Variants in TENM1 observed in about 807,000 individuals in gnomAD.
TENM1 encodes teneurin transmembrane protein 1, also known as teneurin-1.
Under a neutral mutation model 174.8 loss-of-function variants are expected in TENM1, and 35 were observed. That is an observed-to-expected ratio of 0.20 (90% CI 0.15 to 0.27). The LOEUF (loss-of-function observed/expected upper bound fraction) is 0.27, where lower values mean the gene tolerates loss of function less well. Among genes scored for constraint, TENM1 ranks in the 10% least tolerant of loss-of-function variants. The pLI is 1.00. For missense variants in TENM1, 1,633 were observed against 2,130.1 expected (o/e 0.77, Z 4.59); for synonymous variants, 781 against 798.7 (o/e 0.98, Z 0.37).
chrX:124,445,983 C>T (rs920926947), intron 23 of TENM1, among the ~76,000 whole-genome samples: 1 of 112,308 alleles, frequency 8.9e-6, no homozygotes, highest in Non-Finnish European at 1.9e-5. Context: ...AGAGTTTATA[C>T]TGAGAGTTCA....
chrX:125,067,828 C>T, the TENM1 span, among the ~76,000 whole-genome samples: 27 of 112,028 alleles, frequency 2.4e-4, no homozygotes, highest in African/African-American at 8.4e-4. Flanking sequence ...TATACTCTTC[C>T]TTCTCATCTT....
In TENM1 at chrX:124,489,945, C is replaced by T. The variant is rs145941025; in HGVS notation, c.3696-2716G>A. ...GACTTCTCAGGTCTTCCAACTCCAG[C>T]GACCCTCATCCAAGACTACCTTCCC... On this transcript the variant is annotated intron_variant, in intron 20 of 31. Coordinates refer to ENST00000422452, the Ensembl canonical transcript of TENM1. Among the ~76,000 whole-genome samples the T allele has an allele frequency of 6.3e-5, 7 of 111,550 alleles. No homozygotes were observed. In the East Asian group the frequency reaches 1.7e-3, roughly 27 times the overall value.
At chrX:124,460,696 G>GT (rs1298270192) in intron 22 of TENM1, among the ~76,000 whole-genome samples, 1 of 105,784 alleles carries the variant, frequency 9.5e-6, no homozygotes, top group Non-Finnish European at 1.9e-5. Flanking sequence ...GTTTACCTAC[G>GT]TAATAAACCT....
chrX:124,667,589 C>CAA (rs200614775), intron 6 of TENM1, among the ~76,000 whole-genome samples: 2 of 52,642 alleles, frequency 3.8e-5, no homozygotes, highest in Non-Finnish European at 3.7e-5. Context: ...GACTCCATCT[C>CAA]AAAAAAAAAA....
At chrX:125,171,793 T>C in the TENM1 span, among the ~76,000 whole-genome samples, 2 of 111,596 alleles carry the variant, frequency 1.8e-5, no homozygotes, top group African/African-American at 3.3e-5. Context: ...ATATAGTTTA[T>C]GGCCAATTTG....
At chrX:125,055,553 T>C in the TENM1 span, among the ~76,000 whole-genome samples, 2 of 111,631 alleles carry the variant, frequency 1.8e-5, no homozygotes, top group East Asian at 5.6e-4. Context: ...ACACGGTAGG[T>C]ATTCAATACA....
intron 3 of TENM1, among the ~76,000 whole-genome samples, chrX:124,780,114 A>G (rs1041793430): frequency 2.7e-5 from 3 of 111,982 alleles, no homozygotes; most frequent in Non-Finnish European, 5.6e-5. Flanking sequence ...CAATATACTT[A>G]TTTAGTGCAT....
chrX:125,049,445 T>C, the TENM1 span, among the ~76,000 whole-genome samples: 20 of 112,288 alleles, frequency 1.8e-4, no homozygotes, highest in African/African-American at 6.5e-4. Context: ...TTTCATTGTA[T>C]AGATATTTTG....
chrX:125,169,183 C>T, the TENM1 span, among the ~76,000 whole-genome samples: 10 of 110,964 alleles, frequency 9.0e-5, no homozygotes, highest in Middle Eastern at 4.7e-3. Flanking sequence ...TTGTAACTCC[C>T]GCTAAAGCTG....
intron 1 of TENM1, among the ~76,000 whole-genome samples, chrX:124,947,764 G>T (rs1393193283): frequency 8.9e-6 from 1 of 111,822 alleles, no homozygotes; most frequent in Non-Finnish European, 1.9e-5. Context: ...CAGCTGTTCA[G>T]AAGTCACCTA....
the TENM1 span, among the ~76,000 whole-genome samples, chrX:125,201,408 C>A: frequency 1.8e-5 from 2 of 112,422 alleles, no homozygotes; most frequent in Non-Finnish European, 3.8e-5. Context: ...ACAAAGCATT[C>A]TTTCCTTTAG....
chrX:124,838,332 T>C (rs776816155), intron 3 of TENM1, among the ~76,000 whole-genome samples: 1 of 112,332 alleles, frequency 8.9e-6, no homozygotes, highest in African/African-American at 3.2e-5. Context: ...ACAGAAACTA[T>C]CTGACTTTGC....
chrX:124,383,291 T>C (rs951275206), intron 30 of TENM1, among the ~76,000 whole-genome samples: 3 of 111,445 alleles, frequency 2.7e-5, no homozygotes, highest in Admixed American at 1.9e-4. Context: ...TGATCCTCTC[T>C]CTACAGGGTA....
At chrX:124,981,881 C>CAGAAT in the TENM1 span, among the ~76,000 whole-genome samples, 8 of 80,997 alleles carry the variant, frequency 9.9e-5, no homozygotes, top group South Asian at 1.0e-3. Context: ...AGGTGCAGCG[C>CAGAAT]ACCAGCATGG....
chrX:124,955,797 G>GCGCACACACACACACA (rs1556430460), intron 1 of TENM1, among the ~76,000 whole-genome samples: 13 of 91,251 alleles, frequency 1.4e-4, no homozygotes, highest in Non-Finnish European at 1.0e-4. Flanking sequence ...ACACGCGCAC[G>GCGCACACACACACACA]CACACACACA....
the TENM1 span, among the ~76,000 whole-genome samples, chrX:125,061,649 G>T: frequency 8.9e-6 from 1 of 112,108 alleles, no homozygotes; most frequent in African/African-American, 3.2e-5. Context: ...GGGCGCAGTG[G>T]CTCATGCCTG....
chrX:124,989,241 C>A, the TENM1 span, among the ~76,000 whole-genome samples: 5 of 111,614 alleles, frequency 4.5e-5, no homozygotes, highest in Admixed American at 2.9e-4. Flanking sequence ...TGTTGTATTT[C>A]TATTTATTAG....
At chrX:124,699,753 T>A (rs1168852126) in intron 5 of TENM1, among the ~76,000 whole-genome samples, 1 of 111,722 alleles carries the variant, frequency 9.0e-6, no homozygotes, top group Non-Finnish European at 1.9e-5. Context: ...TTATGGAATA[T>A]ATTATACCAA....
At chrX:124,422,812 T>G in intron 23 of TENM1, 174 bp from the exon 27 acceptor site, 2 of 441,016 alleles carry the variant, frequency 4.5e-6, no homozygotes, top group South Asian at 7.5e-5. Flanking sequence ...AATCACATGT[T>G]CTGGTAAACG....
Sources: allele counts gnomAD v4.1 joint callset (sites outside exome capture counted in the v4.1 genomes callset), GRCh38; gene constraint gnomAD v4.1.1; transcripts MANE v1.5; gene names NCBI Gene and HGNC (gene_info 2026-07-23, HGNC 2026-07-21).